Variants in SNTG1 observed in about 807,000 individuals in gnomAD.
The protein encoded by SNTG1 is syntrophin gamma 1.
A neutral mutation model predicts 74.7 loss-of-function variants in SNTG1; 39 were observed. The observed-to-expected ratio is 0.52, with a 90% CI of 0.40 to 0.68. SNTG1 has a LOEUF of 0.68. Among genes scored for constraint, SNTG1 ranks in the 30% least tolerant of loss-of-function variants. SNTG1 has a pLI of 0.00. For missense variants in SNTG1, 685 were observed against 609.5 expected, an observed-to-expected ratio of 1.12 and a Z score of -1.30; for synonymous variants, 254 against 217.1, an observed-to-expected ratio of 1.17 and a Z score of -1.49.
chr8:50,626,919 T>C (rs2094960283), intron 13 of SNTG1, among the ~76,000 whole-genome samples: 2 of 152,198 alleles, frequency 1.3e-5, no homozygotes, highest in African/African-American at 2.4e-5. Flanking sequence ...TTTTATCTTT[T>C]TGAGTCATTG....
At chr8:50,434,257 T>C (rs1362514747) in intron 4 of SNTG1, among the ~76,000 whole-genome samples, 1 of 152,224 alleles carries the variant, frequency 6.6e-6, no homozygotes, top group Admixed American at 6.5e-5. Context: ...CCATGGTATA[T>C]GTGTGCCACA....
intron 2 of SNTG1, among the ~76,000 whole-genome samples, chr8:50,239,303 C>A (rs2086062402): frequency 6.6e-6 from 1 of 152,052 alleles, no homozygotes; most frequent in African/African-American, 2.4e-5. Flanking sequence ...AAGATAGTAC[C>A]CAAGACTGGG....
chr8:50,696,894 T>C (rs75552544), intron 15 of SNTG1, among the ~76,000 whole-genome samples: 3,291 of 152,222 alleles, frequency 0.022, 98 homozygotes, highest in African/African-American at 0.071. Flanking sequence ...TCCAGCTTTG[T>C]TATTTTTGTT....
At chr8:50,381,801 T>C (rs2092490589) in intron 2 of SNTG1, 1 of 137,082 alleles carries the variant, frequency 7.3e-6, no homozygotes, top group Non-Finnish European at 1.6e-5. Flanking sequence ...TATATCCTAT[T>C]AGTTCTGTAG....
chr8:50,766,108 T>C (rs947308857), intron 18 of SNTG1, among the ~76,000 whole-genome samples: 2 of 151,970 alleles, frequency 1.3e-5, no homozygotes, highest in East Asian at 3.9e-4. Flanking sequence ...TTTGTTCTGG[T>C]GGAGGCCACT....
At chr8:50,446,192 G>A (rs1194455790) in intron 5 of SNTG1, among the ~76,000 whole-genome samples, 1 of 152,072 alleles carries the variant, frequency 6.6e-6, no homozygotes, top group African/African-American at 2.4e-5. Context: ...CCCCATTTAG[G>A]CCCTGCACTA....
chr8:50,599,693 G>A (rs2094758722), intron 13 of SNTG1, among the ~76,000 whole-genome samples: 1 of 151,982 alleles, frequency 6.6e-6, no homozygotes. Flanking sequence ...AAATCCTACA[G>A]CCTTAATGAA....
intron 11 of SNTG1, among the ~76,000 whole-genome samples, chr8:50,542,723 A>T (rs1377748374): frequency 6.6e-6 from 1 of 152,144 alleles, no homozygotes; most frequent in African/African-American, 2.4e-5. Context: ...GTGCATAAGG[A>T]TTCCTCTTTC....
At chr8:50,792,649 C>T (rs1296008951) in intron 18 of SNTG1, 22 bp from the exon 19 acceptor site, 1 of 1,590,854 alleles carries the variant, frequency 6.3e-7, no homozygotes, top group Non-Finnish European at 8.6e-7. Context: ...TGTTATCTGA[C>T]CTGTTTCTCT....
intron 13 of SNTG1, among the ~76,000 whole-genome samples, chr8:50,641,698 G>A (rs1055306299): frequency 6.6e-6 from 1 of 152,088 alleles, no homozygotes; most frequent in Non-Finnish European, 1.5e-5. Context: ...TCAATTATCG[G>A]TCCTCGTGAT....
intron 17 of SNTG1, among the ~76,000 whole-genome samples, chr8:50,740,754 G>T (rs907125752): frequency 6.6e-6 from 1 of 151,950 alleles, no homozygotes; most frequent in Non-Finnish European, 1.5e-5. Context: ...GCCCATCAGT[G>T]GTAAACTAGA....
At chr8:50,707,571 T>C (rs1259452315) in intron 16 of SNTG1, among the ~76,000 whole-genome samples, 1 of 152,192 alleles carries the variant, frequency 6.6e-6, no homozygotes, top group East Asian at 1.9e-4. Context: ...ACTCGATGTA[T>C]TTAGTCATGA....
intron 1 of SNTG1, among the ~76,000 whole-genome samples, chr8:50,100,092 T>C (rs1010229390): frequency 6.6e-6 from 1 of 151,892 alleles, no homozygotes; most frequent in Non-Finnish European, 1.5e-5. Context: ...CAGAAAAAAA[T>C]GAAATCCTGT....
At chr8:50,429,017 C>A (rs1051504763) in intron 4 of SNTG1, among the ~76,000 whole-genome samples, 6 of 151,752 alleles carry the variant, frequency 4.0e-5, no homozygotes, top group Admixed American at 6.6e-5. Flanking sequence ...AAAAGACATA[C>A]CATTTTCATG....
chr8:50,459,205 T>C (rs1380703408), intron 8 of SNTG1, among the ~76,000 whole-genome samples: 1 of 152,186 alleles, frequency 6.6e-6, no homozygotes, highest in East Asian at 1.9e-4. Flanking sequence ...TATTTCCAAA[T>C]TCTTAATGCT....
chr8:50,366,784 G>A (rs2092123950), intron 2 of SNTG1, among the ~76,000 whole-genome samples: 1 of 142,078 alleles, frequency 7.0e-6, no homozygotes, highest in Admixed American at 7.2e-5. Context: ...AACCAATATG[G>A]AAGATATAAT....
chr8:50,642,509 T>C (rs1028920304), intron 13 of SNTG1, among the ~76,000 whole-genome samples: 2 of 152,138 alleles, frequency 1.3e-5, no homozygotes, highest in African/African-American at 4.8e-5. Context: ...TCAACTACTC[T>C]CTTCAAACAA....
intron 13 of SNTG1, among the ~76,000 whole-genome samples, chr8:50,597,370 T>C (rs12546899): frequency 0.96 from 133,724 of 139,500 alleles, 64,062 homozygotes; most frequent in East Asian, 0.99. Flanking sequence ...CACATATACA[T>C]GTATATATAC....
chr8:50,744,312 T>C (rs1208494692), intron 17 of SNTG1, among the ~76,000 whole-genome samples: 1 of 151,968 alleles, frequency 6.6e-6, no homozygotes, highest in Non-Finnish European at 1.5e-5. Flanking sequence ...TGGAAAAGCA[T>C]TTGAGAAGAC....
Sources: gnomAD v4.1 joint callset for allele counts (sites outside exome capture counted in the v4.1 genomes callset) on GRCh38, gnomAD v4.1.1 for gene constraint, MANE v1.5 for transcripts, NCBI Gene and HGNC (gene_info 2026-07-23, HGNC 2026-07-21) for gene names.